Variants in LRRTM4 observed in about 807,000 individuals in gnomAD.
LRRTM4 encodes leucine rich repeat transmembrane neuronal 4.
In LRRTM4, 25 loss-of-function variants were observed where a neutral mutation model predicts 47.6. That is an observed-to-expected ratio of 0.53 (90% CI 0.38 to 0.73). The LOEUF (loss-of-function observed/expected upper bound fraction) is 0.73. LRRTM4 is among the 30% of genes least tolerant of loss of function. The pLI is 0.00. For synonymous variants in LRRTM4, 311 were observed against 269.5 expected (o/e 1.15, Z -1.51); for missense variants, 638 against 713.4 (o/e 0.89, Z 1.20).
chr2:77,337,799 C>T (rs1379513206), intron 3 of LRRTM4, among the ~76,000 whole-genome samples: 1 of 152,076 alleles, frequency 6.6e-6, no homozygotes, highest in Non-Finnish European at 1.5e-5. Flanking sequence ...ATAGCCAAAG[C>T]AGTCCTAAGC....
intron 3 of LRRTM4, among the ~76,000 whole-genome samples, chr2:77,072,449 A>T (rs1468165352): frequency 1.3e-5 from 2 of 152,168 alleles, no homozygotes; most frequent in Non-Finnish European, 2.9e-5. Flanking sequence ...ATGAATCCAA[A>T]GATTTAGAGC....
chr2:76,794,496 GTATAGGCAAACATTTGCACCTCTTC>G (rs1675157151), intron 3 of LRRTM4, among the ~76,000 whole-genome samples: 1 of 152,012 alleles, frequency 6.6e-6, no homozygotes, highest in African/African-American at 2.4e-5. Flanking sequence ...CTTATTACTG[GTATAGGCAAACATTTGCACCTCTTC>G]TATATTCTAT....
intron 3 of LRRTM4, among the ~76,000 whole-genome samples, chr2:77,424,338 T>G (rs918812238): frequency 6.6e-6 from 1 of 152,218 alleles, no homozygotes; most frequent in Non-Finnish European, 1.5e-5. Flanking sequence ...AATAATGTTT[T>G]CTACTCATCC....
intron 3 of LRRTM4, among the ~76,000 whole-genome samples, chr2:76,876,631 T>C (rs534550731): frequency 6.6e-6 from 1 of 152,150 alleles, no homozygotes; most frequent in South Asian, 2.1e-4. Context: ...CATAATTCTT[T>C]ATGCTCTACT....
intron 3 of LRRTM4, among the ~76,000 whole-genome samples, chr2:77,445,286 C>A (rs1485582981): frequency 6.6e-6 from 1 of 151,742 alleles, no homozygotes; most frequent in Non-Finnish European, 1.5e-5. Flanking sequence ...GTGGGAATTA[C>A]ATGAATCAAC....
intron 3 of LRRTM4, among the ~76,000 whole-genome samples, chr2:76,833,041 G>A (rs748279816): frequency 6.6e-6 from 1 of 152,112 alleles, no homozygotes; most frequent in Non-Finnish European, 1.5e-5. Context: ...GAAGAGTGAT[G>A]TTGAATTGTT....
At chr2:77,146,206 A>G (rs1672258178) in intron 3 of LRRTM4, among the ~76,000 whole-genome samples, 1 of 152,190 alleles carries the variant, frequency 6.6e-6, no homozygotes, top group Non-Finnish European at 1.5e-5. Flanking sequence ...CCTTTTCTCC[A>G]TATTATTCTG....
At chr2:77,413,796 A>C (rs141418410) in intron 3 of LRRTM4, among the ~76,000 whole-genome samples, 102 of 152,298 alleles carry the variant, frequency 6.7e-4, no homozygotes, top group African/African-American at 2.4e-3. Flanking sequence ...CATAAGTTTC[A>C]TAAGTAGAAA....
At chr2:76,780,495 T>A (rs1280920072) in intron 3 of LRRTM4, among the ~76,000 whole-genome samples, 2 of 152,138 alleles carry the variant, frequency 1.3e-5, no homozygotes, top group South Asian at 2.1e-4. Context: ...CCTTCTCGCT[T>A]CATTTCATTC....
At chr2:76,992,641 A>C (rs1677049483) in intron 3 of LRRTM4, among the ~76,000 whole-genome samples, 1 of 151,798 alleles carries the variant, frequency 6.6e-6, no homozygotes. Context: ...AAACAAATGG[A>C]AAAACAATCC....
At chr2:76,794,423 C>G (rs939299296) in intron 3 of LRRTM4, among the ~76,000 whole-genome samples, 1 of 152,108 alleles carries the variant, frequency 6.6e-6, no homozygotes, top group Non-Finnish European at 1.5e-5. Context: ...TCGGCTTTAC[C>G]AGATATTCCA....
intron 3 of LRRTM4, among the ~76,000 whole-genome samples, chr2:77,152,724 G>A (rs894586216): frequency 6.6e-6 from 1 of 152,092 alleles, no homozygotes; most frequent in Non-Finnish European, 1.5e-5. Context: ...TACCTGAGAA[G>A]CATGTATAAT....
At chr2:76,941,671 C>T (rs895127373) in intron 3 of LRRTM4, among the ~76,000 whole-genome samples, 1 of 152,148 alleles carries the variant, frequency 6.6e-6, no homozygotes, top group Non-Finnish European at 1.5e-5. Flanking sequence ...CATAGTATTC[C>T]ATGGTGTATA....
intron 3 of LRRTM4, among the ~76,000 whole-genome samples, chr2:76,995,400 C>T (rs1302975026): frequency 1.3e-5 from 2 of 152,082 alleles, no homozygotes; most frequent in East Asian, 3.9e-4. Flanking sequence ...GTTCTAAATA[C>T]CTAGCATGAT....
chr2:76,903,431 G>C (rs895850466), intron 3 of LRRTM4, among the ~76,000 whole-genome samples: 1 of 152,056 alleles, frequency 6.6e-6, no homozygotes, highest in Non-Finnish European at 1.5e-5. Flanking sequence ...AGCTACTCGG[G>C]AGGCTGAGGC....
At chr2:77,305,049 G>A (rs548698934) in intron 3 of LRRTM4, among the ~76,000 whole-genome samples, 1 of 151,990 alleles carries the variant, frequency 6.6e-6, no homozygotes, top group African/African-American at 2.4e-5. Flanking sequence ...GTATATGTAT[G>A]AGAAAAAGAA....
intron 3 of LRRTM4, among the ~76,000 whole-genome samples, chr2:76,853,026 A>C (rs1298387323): frequency 4.6e-5 from 7 of 152,160 alleles, no homozygotes; most frequent in Non-Finnish European, 8.8e-5. Context: ...GAGCAGGTAG[A>C]ATATAGAGAG....
intron 3 of LRRTM4, among the ~76,000 whole-genome samples, chr2:76,826,886 G>T (rs1274520655): frequency 6.6e-6 from 1 of 151,838 alleles, no homozygotes; most frequent in Non-Finnish European, 1.5e-5. Context: ...TTCCATTTGT[G>T]GAGGGAAACT....
At chr2:77,243,435 A>T (rs535518101) in intron 3 of LRRTM4, among the ~76,000 whole-genome samples, 4 of 125,922 alleles carry the variant, frequency 3.2e-5, no homozygotes, top group East Asian at 4.0e-4. Context: ...TAAAAAAAAT[A>T]AAAAAAAAAG....
Sources: gnomAD v4.1 joint callset for allele counts (sites outside exome capture counted in the v4.1 genomes callset) on GRCh38, gnomAD v4.1.1 for gene constraint, MANE v1.5 for transcripts, NCBI Gene and HGNC (gene_info 2026-07-23, HGNC 2026-07-21) for gene names.